Variants in STK17B observed in about 807,000 individuals in gnomAD.
The protein encoded by STK17B is serine/threonine kinase 17b, also known as serine/threonine-protein kinase 17B.
A neutral mutation model predicts 42.0 loss-of-function variants in STK17B; 21 were observed. The ratio of observed to expected loss-of-function variants is 0.50; its 90% CI spans 0.35 to 0.72. The LOEUF (loss-of-function observed/expected upper bound fraction) is 0.72, where lower values mean the gene tolerates loss of function less well. STK17B is among the 30% of genes least tolerant of loss of function. STK17B has a pLI of 0.00. For synonymous variants in STK17B, 143 were observed against 148.4 expected, an observed-to-expected ratio of 0.96 and a Z score of 0.26; for missense variants, 349 against 446.0, an observed-to-expected ratio of 0.78 and a Z score of 1.96.
chr2:196,145,801 G>T, intron 4 of STK17B, 110 bp downstream of exon 4: 1 of 1,121,604 alleles, frequency 8.9e-7, no homozygotes, highest in Non-Finnish European at 1.2e-6. Flanking sequence ...GTGCAGTCTA[G>T]AAGACCAGGA....
chr2:196,156,325 T>C (rs1481946838), intron 3 of STK17B, 114 bp downstream of exon 3: 20 of 954,922 alleles, frequency 2.1e-5, no homozygotes, highest in Middle Eastern at 6.7e-4. Flanking sequence ...CCCTTTTACA[T>C]TTTATTAACA....
At chr2:196,151,963 T>C (rs1224439678) in intron 3 of STK17B, among the ~76,000 whole-genome samples, 2 of 152,180 alleles carry the variant, frequency 1.3e-5, no homozygotes, top group Non-Finnish European at 2.9e-5. Flanking sequence ...GAATTTGAGA[T>C]TAATTCACAA....
intron 1 of STK17B, among the ~76,000 whole-genome samples, chr2:196,164,633 T>C (rs1366384825): frequency 6.6e-6 from 1 of 152,198 alleles, no homozygotes; most frequent in Non-Finnish European, 1.5e-5. Flanking sequence ...TTTCTACTTA[T>C]ATGTACTGTT....
rs1699735019 is a variant in STK17B at position 196,156,164 on chromosome 2, CAATT to C, written c.335+271_335+274del. The C allele has an allele frequency of 2.1e-5, 5 of 237,572 alleles. No homozygotes were observed. In the South Asian group the frequency reaches 5.1e-4, roughly 24 times the overall value. The allele number at this position is 237,572 out of a possible 1,614,324, so 14.7% of individuals were successfully genotyped here. On this transcript the variant is annotated intron_variant, in intron 3 of 7. Transcript: ENST00000263955. Reference sequence around the variant, plus strand: ...AGATTGTGTTCCAGAAAAATTCAATCAATTAGCCATTAAGAAAATAATGTATATT... The same window carrying C: ...AGATTGTGTTCCAGAAAAATTCAATCAGCCATTAAGAAAATAATGTATATT...
Position 196,135,986 on chromosome 2 carries a change from C to T in STK17B, c.*1461G>A, listed in dbSNP as rs1233117125. Reference sequence around the variant, plus strand: ...ATGCTGAAGACATTAAAGGAATTCACCATGTGGTCAAATAAAGTGACCTGA... The same window carrying T: ...ATGCTGAAGACATTAAAGGAATTCATCATGTGGTCAAATAAAGTGACCTGA... On this transcript the variant is annotated 3_prime_UTR_variant, in exon 8 of 8. Transcript: ENST00000263955. 1 of 151,922 alleles carries T rather than the reference C, an allele frequency of 6.6e-6. No homozygotes were observed. Among genetic ancestry groups the T allele is most frequent in the Non-Finnish European group, 1.5e-5 (1 of 68,014 alleles). 9.4% of individuals were successfully genotyped at this position (151,922 alleles called of 1,614,324 possible).
upstream of STK17B, among the ~76,000 whole-genome samples, chr2:196,173,636 A>T (rs759177423): frequency 6.6e-6 from 1 of 152,118 alleles, no homozygotes; most frequent in African/African-American, 2.4e-5. Flanking sequence ...CATTTACCTA[A>T]ACTCATTCAT....
intron 7 of STK17B, 151 bp from the exon 8 acceptor site, chr2:196,137,880 A>G (rs955410783): frequency 1.5e-5 from 13 of 847,538 alleles, no homozygotes; most frequent in Non-Finnish European, 2.3e-5. Flanking sequence ...GAGAATAATA[A>G]TGATAATAGC....
chr2:196,150,235 C>T, intron 3 of STK17B, among the ~76,000 whole-genome samples: 1 of 146,842 alleles, frequency 6.8e-6, no homozygotes, highest in Non-Finnish European at 1.5e-5. Flanking sequence ...TATCTACAGT[C>T]AGAAAAGCCG....
At chr2:196,159,633 G>A (rs1699786347) in intron 2 of STK17B, among the ~76,000 whole-genome samples, 1 of 152,106 alleles carries the variant, frequency 6.6e-6, no homozygotes, top group Admixed American at 6.6e-5. Context: ...TCTTAAACAA[G>A]TATAGTACTC....
upstream of STK17B, among the ~76,000 whole-genome samples, chr2:196,174,760 A>G (rs1699983228): frequency 6.6e-6 from 1 of 152,236 alleles, no homozygotes; most frequent in Non-Finnish European, 1.5e-5. Context: ...GCACATTGCA[A>G]TTTTGAAAGC....
rs532696404 is a variant in STK17B, at chr2:196,134,242, T to G, written c.*3205A>C. The G allele has an allele frequency of 6.6e-6, 1 of 152,298 alleles. No homozygotes were observed. Among genetic ancestry groups the G allele is most frequent in the African/African-American group, 2.4e-5 (1 of 41,566 alleles). 9.4% of individuals were successfully genotyped at this position (152,298 alleles called of 1,614,324 possible). A position where few individuals can be genotyped will look rare whatever the true frequency, so the allele number is the denominator to read the frequency against. The stretch of plus-strand genomic sequence containing the variant: ...GGAAGCAATGTGTTGATTTATATTC[T>G]GGCACAAGTACCTTATTACTGACTA... On this transcript the variant is annotated 3_prime_UTR_variant, in exon 8 of 8. Transcript: ENST00000263955.
chr2:196,156,744 A>G, intron 2 of STK17B, 93 bp from the exon 3 acceptor site: 3 of 898,064 alleles, frequency 3.3e-6, no homozygotes, highest in Non-Finnish European at 5.2e-6. Context: ...CTTAAAGTCA[A>G]TTCTTTGAAA....
At chr2:196,154,263 A>AACAACAACAACAAC (rs1559413056) in intron 3 of STK17B, 4 of 109,910 alleles carry the variant, frequency 3.6e-5, no homozygotes, top group African/African-American at 8.7e-5. Context: ...ACAACAACAA[A>AACAACAACAACAAC]AGATAATAAT....
chr2:196,171,812 G>T (rs1255830125), upstream of STK17B, among the ~76,000 whole-genome samples: 2 of 149,830 alleles, frequency 1.3e-5, no homozygotes, highest in East Asian at 3.9e-4. Context: ...GGGCGCACTC[G>T]GGCTGCCGCG....
At chr2:196,146,191 T>A in intron 3 of STK17B, 136 bp from the exon 4 acceptor site, 1 of 960,370 alleles carries the variant, frequency 1.0e-6, no homozygotes, top group Non-Finnish European at 1.4e-6. Flanking sequence ...GGCAGGGAAG[T>A]GAGAGATCTT....
chr2:196,140,682 A>G (rs572070093), intron 6 of STK17B, among the ~76,000 whole-genome samples: 1 of 145,238 alleles, frequency 6.9e-6, no homozygotes, highest in East Asian at 2.0e-4. Context: ...CTCCTGCCTC[A>G]GCATCCTGAG....
At chr2:196,158,202 T>C (rs1699763696) in intron 2 of STK17B, among the ~76,000 whole-genome samples, 1 of 152,158 alleles carries the variant, frequency 6.6e-6, no homozygotes, top group Admixed American at 6.5e-5. Flanking sequence ...ACTTGGTGTT[T>C]AGGGGGTACG....
At position 196,134,125 on chromosome 2, in the gene STK17B, GAA is replaced by G. The variant is rs1699361085; in HGVS notation, c.*3320_*3321del. ...TAACTATTTGTGAGCTGTCCAGAAT[GAA>G]AGAGGCTTGTGCCAGAATGAAAATC... On this transcript the variant is annotated 3_prime_UTR_variant, in exon 8 of 8. Transcript: ENST00000263955. 6.6e-6 allele frequency: 1 copy of G among 152,226 alleles called. No individual in the cohort carries two copies. The highest frequency in any genetic ancestry group is 2.4e-5 in the African/African-American group (1 of 41,464). The allele number at this position is 152,226 out of a possible 1,614,324, so 9.4% of individuals were successfully genotyped here. A position where few individuals can be genotyped will look rare whatever the true frequency, so the allele number is the denominator to read the frequency against.
At chr2:196,161,483 C>A (rs919196174) in intron 2 of STK17B, among the ~76,000 whole-genome samples, 1 of 117,872 alleles carries the variant, frequency 8.5e-6, no homozygotes, top group African/African-American at 3.2e-5. Context: ...GTATTTAATT[C>A]TTGGTCAGTG....
Sources: gnomAD v4.1 joint callset for allele counts (sites outside exome capture counted in the v4.1 genomes callset) on GRCh38, gnomAD v4.1.1 for gene constraint, MANE v1.5 for transcripts, NCBI Gene and HGNC (gene_info 2026-07-23, HGNC 2026-07-21) for gene names.